The following NREP variants were observed in gnomAD, a reference collection of about 807,000 sequenced individuals.
NREP encodes the protein neuronal regeneration-related protein.
In NREP, 5 loss-of-function variants were observed where a neutral mutation model predicts 8.6. That is an observed-to-expected ratio of 0.58 (90% CI 0.30 to 1.22). The LOEUF (loss-of-function observed/expected upper bound fraction) is 1.22, where lower values mean the gene tolerates loss of function less well. NREP is among the 50% of genes most tolerant of loss of function. The probability of loss-of-function intolerance (pLI) is 0.07; values close to 1 mark genes in which losing one functional copy is unlikely to be tolerated. For synonymous variants in NREP, 27 were observed against 28.0 expected (o/e 0.96, Z 0.11); for missense variants, 86 against 82.5 (o/e 1.04, Z -0.17).
At chr5:111,832,242 G>C (rs1349318782) in intron 2 of NREP, among the ~76,000 whole-genome samples, 1 of 152,108 alleles carries the variant, frequency 6.6e-6, no homozygotes, top group African/African-American at 2.4e-5. Flanking sequence ...CTGGGGCTGG[G>C]TGTGGTGGCT....
intron 2 of NREP, among the ~76,000 whole-genome samples, chr5:111,782,373 G>T (rs148115023): frequency 3.3e-5 from 5 of 152,150 alleles, no homozygotes; most frequent in Non-Finnish European, 1.5e-5. Flanking sequence ...TTAGTTATCC[G>T]CCTTAAAAGG....
chr5:111,757,231 G>GT (rs879141201), upstream of NREP: 864 of 560,892 alleles, frequency 1.5e-3, 42 homozygotes, highest in East Asian at 0.083. Context: ...AGACAGATTG[G>GT]GGGGGGAGGG....
chr5:111,826,243 T>C (rs1752622162), intron 2 of NREP, among the ~76,000 whole-genome samples: 1 of 152,132 alleles, frequency 6.6e-6, no homozygotes, highest in Non-Finnish European at 1.5e-5. Context: ...CAGCAGTCTG[T>C]AAAATGGACC....
At chr5:111,975,041 T>A (rs940448334) in intron 2 of NREP, among the ~76,000 whole-genome samples, 6 of 152,086 alleles carry the variant, frequency 3.9e-5, no homozygotes, top group Non-Finnish European at 8.8e-5. Context: ...TAAGTAAGGA[T>A]TGCACTTCCA....
chr5:111,926,165 G>T (rs181238588), intron 2 of NREP, among the ~76,000 whole-genome samples: 441 of 152,218 alleles, frequency 2.9e-3, no homozygotes, highest in Non-Finnish European at 4.4e-3. Context: ...GAACCCTACT[G>T]GCACCATGTC....
At chr5:111,886,750 C>T (rs1754259891) in intron 2 of NREP, among the ~76,000 whole-genome samples, 2 of 150,826 alleles carry the variant, frequency 1.3e-5, no homozygotes. Context: ...CATATTCTCA[C>T]TCATAGGTGG....
intron 2 of NREP, among the ~76,000 whole-genome samples, chr5:111,742,423 G>A (rs1749740732): frequency 6.6e-6 from 1 of 152,062 alleles, no homozygotes; most frequent in African/African-American, 2.4e-5. Flanking sequence ...TCTCCTTGCT[G>A]GCAACAAAAT....
rs927260292 is a variant in NREP at position 111,856,417 on chromosome 5, T to C, written c.135+118857A>G. On this transcript the variant is annotated intron_variant, in intron 2 of 3. Transcript: ENST00000395634. The stretch of plus-strand genomic sequence containing the variant: ...AAGCGACCTAAACAAAAAACTCATA[T>C]TCTTATATTAAAGCTCCTAAGACAT... Among the ~76,000 whole-genome samples the C allele has an allele frequency of 4.9e-4, 74 of 152,162 alleles. 1 individual carries two copies. Among genetic ancestry groups the C allele is most frequent in the African/African-American group, 1.7e-3 (71 of 41,436 alleles).
At chr5:111,769,291 G>C (rs1751160277) in intron 2 of NREP, among the ~76,000 whole-genome samples, 1 of 152,074 alleles carries the variant, frequency 6.6e-6, no homozygotes, top group Admixed American at 6.6e-5. Context: ...TTACAGCGGT[G>C]GACAAGATAG....
chr5:111,931,361 A>G (rs1328881651), intron 2 of NREP, among the ~76,000 whole-genome samples: 2 of 152,084 alleles, frequency 1.3e-5, no homozygotes, highest in African/African-American at 4.8e-5. Context: ...TGGATTACCC[A>G]GACTGGTTGA....
intron 2 of NREP, among the ~76,000 whole-genome samples, chr5:111,809,869 G>A (rs965589408): frequency 4.7e-5 from 4 of 85,768 alleles, no homozygotes; most frequent in Non-Finnish European, 7.5e-5. Flanking sequence ...TGGGACTTTG[G>A]CGTGTGTGTG....
chr5:111,868,441 C>G lies in NREP; in HGVS notation c.135+106833G>C, dbSNP rs376203356. 3.9e-5 allele frequency among the ~76,000 whole-genome samples: 6 copies of G among 152,226 alleles called. No homozygotes were observed. The East Asian group carries it at 7.7e-4, about 20-fold the overall frequency. On this transcript the variant is annotated intron_variant, in intron 2 of 3. Transcript: ENST00000395634. ...ATCACTGTAGAATACGAGTTGCAAACTAGTGATTTTTCACGGCAAATGGAC... is the reference window on the plus strand; with the variant it reads ...ATCACTGTAGAATACGAGTTGCAAAGTAGTGATTTTTCACGGCAAATGGAC...
intron 2 of NREP, among the ~76,000 whole-genome samples, chr5:111,874,705 A>G (rs981972514): frequency 6.6e-6 from 1 of 152,182 alleles, no homozygotes; most frequent in Admixed American, 6.5e-5. Context: ...CTGAGAGTGA[A>G]GCATGACTAA....
intron 2 of NREP, among the ~76,000 whole-genome samples, chr5:111,874,383 T>A (rs1338963260): frequency 6.6e-6 from 1 of 152,230 alleles, no homozygotes; most frequent in Non-Finnish European, 1.5e-5. Context: ...GAGATCAATG[T>A]GCTTTGATTC....
At chr5:111,861,488 C>A (rs973509485) in intron 2 of NREP, among the ~76,000 whole-genome samples, 1 of 152,128 alleles carries the variant, frequency 6.6e-6, no homozygotes, top group Non-Finnish European at 1.5e-5. Flanking sequence ...TCCAGTATTT[C>A]TTTCTGTGCT....
intron 2 of NREP, among the ~76,000 whole-genome samples, chr5:111,918,534 C>T (rs1043159465): frequency 2.6e-5 from 4 of 152,070 alleles, no homozygotes; most frequent in Non-Finnish European, 5.9e-5. Flanking sequence ...TGGAACACAA[C>T]AGAGGCCTCA....
chr5:111,948,944 T>C (rs993643180), intron 2 of NREP: 1 of 152,068 alleles, frequency 6.6e-6, no homozygotes, highest in African/African-American at 2.4e-5. Context: ...TATTGCTGAT[T>C]AATCTCTTCC....
At chr5:111,869,872 A>G (rs189974464) in intron 2 of NREP, among the ~76,000 whole-genome samples, 1 of 152,338 alleles carries the variant, frequency 6.6e-6, no homozygotes, top group Non-Finnish European at 1.5e-5. Context: ...ACTCGTATGA[A>G]TGAATTTCTT....
chr5:111,899,563 A>G (rs1218608144), intron 2 of NREP, among the ~76,000 whole-genome samples: 1 of 152,136 alleles, frequency 6.6e-6, no homozygotes, highest in African/African-American at 2.4e-5. Flanking sequence ...AAAGAAAACA[A>G]TTAACAACAT....
Sources: gnomAD v4.1 joint callset for allele counts (sites outside exome capture counted in the v4.1 genomes callset) on GRCh38, gnomAD v4.1.1 for gene constraint, MANE v1.5 for transcripts, NCBI Gene and HGNC (gene_info 2026-07-23, HGNC 2026-07-21) for gene names.